Variants in APBA1 observed in about 807,000 individuals in gnomAD.
APBA1 encodes the protein amyloid-beta A4 precursor protein-binding family A member 1.
In APBA1, 55 loss-of-function variants were observed where a neutral mutation model predicts 86.6. That is an observed-to-expected ratio of 0.64 (90% CI 0.51 to 0.80). The LOEUF (loss-of-function observed/expected upper bound fraction) is 0.80, where lower values mean the gene tolerates loss of function less well. APBA1 is among the 30% of genes least tolerant of loss of function. APBA1 has a pLI of 0.00. For missense variants in APBA1, 1,090 were observed against 1,183.0 expected (o/e 0.92, Z 1.15); for synonymous variants, 511 against 493.9 (o/e 1.03, Z -0.46).
intron 1 of APBA1, among the ~76,000 whole-genome samples, chr9:69,563,647 T>C (rs1264594918): frequency 6.6e-6 from 1 of 152,052 alleles, no homozygotes; most frequent in Non-Finnish European, 1.5e-5. Flanking sequence ...TACTTGGTTT[T>C]AATTTTTTTT....
In APBA1 at chr9:69,473,432, A is replaced by G. The variant is rs918604138; in HGVS notation, c.1297-1737T>C. Among the ~76,000 whole-genome samples the G allele has an allele frequency of 1.1e-3, 172 of 152,294 alleles. 1 individual carries two copies. Among genetic ancestry groups the G allele is most frequent in the African/African-American group, 3.9e-3 (162 of 41,556 alleles). On this transcript the variant is annotated intron_variant, in intron 3 of 12. Transcript: ENST00000265381. ...TCCCAAGTAACTATAGCCTGGGGTA[A>G]TGAGAGTTTGTTTAATCAGAATTGC... is the stretch of plus-strand genomic sequence containing the variant.
At chr9:69,584,572 G>C (rs1266743506) in intron 1 of APBA1, among the ~76,000 whole-genome samples, 2 of 152,184 alleles carry the variant, frequency 1.3e-5, no homozygotes, top group Non-Finnish European at 2.9e-5. Flanking sequence ...ATGGGAAGAA[G>C]AATCATGCCA....
chr9:69,525,528 AAG>A, intron 1 of APBA1, among the ~76,000 whole-genome samples: 1 of 151,212 alleles, frequency 6.6e-6, no homozygotes, highest in South Asian at 2.1e-4. Context: ...CATCTAAGCA[AAG>A]AGAATAACAA....
At chr9:69,440,749 G>A (rs1162282230) in intron 11 of APBA1, among the ~76,000 whole-genome samples, 1 of 152,116 alleles carries the variant, frequency 6.6e-6, no homozygotes, top group Non-Finnish European at 1.5e-5. Context: ...GCGATGCCTT[G>A]TCCTGCTTCA....
chr9:69,495,615 C>T (rs898831633), intron 2 of APBA1, among the ~76,000 whole-genome samples: 1 of 152,116 alleles, frequency 6.6e-6, no homozygotes, highest in African/African-American at 2.4e-5. Context: ...TGGGCATCAG[C>T]AGCTGATGTT....
chr9:69,588,040 A>G (rs1318406419), intron 1 of APBA1, among the ~76,000 whole-genome samples: 6 of 151,176 alleles, frequency 4.0e-5, no homozygotes, highest in African/African-American at 7.3e-5. Flanking sequence ...AAAAAAAAAA[A>G]AAAGAAAGAA....
At chr9:69,574,725 G>A (rs1821744957) in intron 1 of APBA1, among the ~76,000 whole-genome samples, 1 of 152,094 alleles carries the variant, frequency 6.6e-6, no homozygotes, top group Non-Finnish European at 1.5e-5. Flanking sequence ...CATAGAAAGT[G>A]AAAAAGCAGC....
At chr9:69,504,680 T>C (rs1275992628) in intron 2 of APBA1, among the ~76,000 whole-genome samples, 1 of 151,996 alleles carries the variant, frequency 6.6e-6, no homozygotes. Flanking sequence ...CCTGAGTGGG[T>C]TGGATTCTAA....
chr9:69,470,980 G>A (rs112575232), intron 4 of APBA1, among the ~76,000 whole-genome samples: 50 of 152,278 alleles, frequency 3.3e-4, no homozygotes, highest in Middle Eastern at 3.4e-3. Flanking sequence ...CAAAGACACC[G>A]GTTTCCAGAG....
chr9:69,576,230 A>C (rs1564081936), intron 1 of APBA1, among the ~76,000 whole-genome samples: 1 of 152,244 alleles, frequency 6.6e-6, no homozygotes, highest in Non-Finnish European at 1.5e-5. Flanking sequence ...GAGGATGTGG[A>C]GAAATAGGAA....
At chr9:69,492,834 A>G (rs1363787287) in intron 2 of APBA1, among the ~76,000 whole-genome samples, 2 of 152,134 alleles carry the variant, frequency 1.3e-5, no homozygotes, top group African/African-American at 4.8e-5. Flanking sequence ...AATGAGTTCC[A>G]ATACTTGTTG....
At chr9:69,510,339 A>C (rs369401273) in intron 2 of APBA1, among the ~76,000 whole-genome samples, 16 of 151,378 alleles carry the variant, frequency 1.1e-4, no homozygotes, top group African/African-American at 1.7e-4. Context: ...ACAGAGAATA[A>C]AATACCTAGG....
At chr9:69,602,032 C>T (rs1822359290) in intron 1 of APBA1, among the ~76,000 whole-genome samples, 1 of 152,174 alleles carries the variant, frequency 6.6e-6, no homozygotes, top group Non-Finnish European at 1.5e-5. Flanking sequence ...AGAAAAACAA[C>T]CATTCATACA....
intron 1 of APBA1, among the ~76,000 whole-genome samples, chr9:69,606,244 G>A (rs574107305): frequency 2.0e-4 from 30 of 152,258 alleles, no homozygotes; most frequent in South Asian, 6.2e-4. Flanking sequence ...GGCAAATGGC[G>A]GTGCAATGGA....
rs190470670 is a variant in APBA1 at position 69,557,617 on chromosome 9, G to A, written c.-69-40338C>T. On this transcript the variant is annotated intron_variant, in intron 1 of 12. Transcript: ENST00000265381. ...CAATGAGTGGTCGAAAGGTGAGAGA[G>A]TGGGCAACAAGATGGAAAGGCAGCA... 1.6e-3 allele frequency among the ~76,000 whole-genome samples: 249 copies of A among 152,300 alleles called. 2 individuals are homozygous for A. The highest frequency in any genetic ancestry group is 3.9e-4 in the East Asian group (2 of 5,188).
chr9:69,640,799 C>T (rs1441704077), intron 1 of APBA1, among the ~76,000 whole-genome samples: 4 of 152,022 alleles, frequency 2.6e-5, no homozygotes, highest in Non-Finnish European at 5.9e-5. Flanking sequence ...AGAGCATCTG[C>T]AAAAAACCTG....
intron 1 of APBA1, among the ~76,000 whole-genome samples, chr9:69,540,810 G>T (rs73451461): frequency 0.013 from 2,037 of 152,210 alleles, 40 homozygotes; most frequent in African/African-American, 0.046. Context: ...CATTGCCCAG[G>T]TTGGTCTTGA....
chr9:69,643,785 A>G (rs1823338563), intron 1 of APBA1, among the ~76,000 whole-genome samples: 1 of 152,224 alleles, frequency 6.6e-6, no homozygotes, highest in African/African-American at 2.4e-5. Flanking sequence ...GGAAAGGAAT[A>G]TGGAGCAGAG....
chr9:69,639,653 T>C (rs1823246967), intron 1 of APBA1, among the ~76,000 whole-genome samples: 1 of 152,202 alleles, frequency 6.6e-6, no homozygotes, highest in Admixed American at 6.5e-5. Flanking sequence ...TCTCACTGGT[T>C]ACCCCCTGGA....
Sources: gnomAD v4.1 joint callset for allele counts (sites outside exome capture counted in the v4.1 genomes callset) on GRCh38, gnomAD v4.1.1 for gene constraint, MANE v1.5 for transcripts, NCBI Gene and HGNC (gene_info 2026-07-23, HGNC 2026-07-21) for gene names.